COL8A1: variants seen among roughly 807,000 people sequenced by gnomAD.
COL8A1 encodes the protein collagen type VIII alpha 1 chain.
A neutral mutation model predicts 42.7 loss-of-function variants in COL8A1; 21 were observed. The observed-to-expected ratio is 0.49, with a 90% CI of 0.35 to 0.71. The LOEUF is 0.71. Among genes scored for constraint, COL8A1 ranks in the 30% least tolerant of loss-of-function variants. The pLI is 0.01. For missense variants in COL8A1, 788 were observed against 962.4 expected, an observed-to-expected ratio of 0.82 and a Z score of 2.40; for synonymous variants, 367 against 369.1, an observed-to-expected ratio of 0.99 and a Z score of 0.06.
chr3:99,719,149 A>G (rs1298982731), intron 1 of COL8A1, among the ~76,000 whole-genome samples: 1 of 152,100 alleles, frequency 6.6e-6, no homozygotes, highest in East Asian at 1.9e-4. Context: ...ATGTGAAAAA[A>G]TATTTAAATA....
intron 1 of COL8A1, among the ~76,000 whole-genome samples, chr3:99,706,175 C>T (rs1325523258): frequency 6.6e-6 from 1 of 152,120 alleles, no homozygotes; most frequent in East Asian, 1.9e-4. Context: ...ATACACCCCA[C>T]AAAAAAGACC....
At chr3:99,741,386 T>A (rs1173668546) in intron 1 of COL8A1, among the ~76,000 whole-genome samples, 1 of 152,238 alleles carries the variant, frequency 6.6e-6, no homozygotes, top group East Asian at 1.9e-4. Flanking sequence ...GTTTTCCAAC[T>A]TTCTGTTGTA....
chr3:99,761,414 T>C (rs533718874), intron 2 of COL8A1, among the ~76,000 whole-genome samples: 3 of 152,250 alleles, frequency 2.0e-5, no homozygotes, highest in East Asian at 1.9e-4. Context: ...GAGACTGAGA[T>C]TGACTCCTCA....
At chr3:99,657,012 T>C (rs1938043413) in intron 1 of COL8A1, among the ~76,000 whole-genome samples, 1 of 152,232 alleles carries the variant, frequency 6.6e-6, no homozygotes, top group South Asian at 2.1e-4. Flanking sequence ...TGTACTTTCT[T>C]TTATCAGAAC....
rs1940993661 is a variant in COL8A1 at position 99,745,027 on chromosome 3, T to C, written c.-4+6T>C. On this transcript the variant is annotated splice_donor_region_variant and intron_variant, in intron 2 of 3. Coordinates refer to ENST00000652472, the MANE Select transcript of COL8A1 (RefSeq NM_020351.4). ...CAGTCCTGTCAAGTATAAATGTAAG[T>C]GTGAGGAGCAACAGAGGGCAGGGCA... 1 of 151,932 alleles carries C rather than the reference T, an allele frequency of 6.6e-6. No homozygotes were observed. The highest frequency in any genetic ancestry group is 2.4e-5 in the African/African-American group (1 of 41,342). 9.4% of individuals were successfully genotyped at this position (151,932 alleles called of 1,614,324 possible).
chr3:99,750,207 C>G (rs1225807803), intron 2 of COL8A1, among the ~76,000 whole-genome samples: 8 of 151,806 alleles, frequency 5.3e-5, no homozygotes, highest in Non-Finnish European at 1.2e-4. Context: ...CAGGTGCACA[C>G]CACCACACCT....
chr3:99,658,208 T>C (rs1938090273), intron 1 of COL8A1, among the ~76,000 whole-genome samples: 1 of 152,020 alleles, frequency 6.6e-6, no homozygotes, highest in African/African-American at 2.4e-5. Flanking sequence ...CTTCATCATC[T>C]GGGCCTGCCC....
At chr3:99,717,665 CATCAGACT>C (rs1322528882) in intron 1 of COL8A1, among the ~76,000 whole-genome samples, 1 of 151,998 alleles carries the variant, frequency 6.6e-6, no homozygotes, top group Admixed American at 6.6e-5. Flanking sequence ...AATGAGCTAA[CATCAGACT>C]GAGCCCAAAC....
Position 99,794,787 on chromosome 3 carries a change from G to A in COL8A1, c.886G>A (p.Gly296Arg), listed in dbSNP as rs1942070420. ...AAAGCCAGGGGCTCCAGGAGAACCT[G>A]GGCCACAAGGCCCTATTGGGGTACC... Reference protein sequence around the residue: ...LGKPGAPGEPGPQGPIGVPGV... With the variant: ...LGKPGAPGEPRPQGPIGVPGV... The change falls in exon 4 of 4, where the codon GGG becomes AGG. Residue 296 changes from glycine (G) to arginine (R), a missense_variant. Physicochemically the swap from Gly to Arg is moderately radical, Grantham distance 125. Coordinates refer to ENST00000652472, the MANE Select transcript of COL8A1 (RefSeq NM_020351.4). The surrounding 1 kb of genome is among the most constrained non-coding windows in gnomAD (Gnocchi z 4.3). The A allele has an allele frequency of 6.2e-7, 1 of 1,601,138 alleles. No individual in the cohort carries two copies. The highest frequency in any genetic ancestry group is 1.4e-5 in the African/African-American group (1 of 74,024).
intron 1 of COL8A1, among the ~76,000 whole-genome samples, chr3:99,639,078 A>G (rs1304748164): frequency 6.6e-6 from 1 of 152,242 alleles, no homozygotes; most frequent in Non-Finnish European, 1.5e-5. Context: ...AGCACAGTCA[A>G]AAGGTCTGCT....
intron 1 of COL8A1, among the ~76,000 whole-genome samples, chr3:99,651,710 C>G (rs1937854251): frequency 6.6e-6 from 1 of 152,212 alleles, no homozygotes; most frequent in African/African-American, 2.4e-5. Flanking sequence ...GAATCTCTAA[C>G]AGCAATAGTT....
chr3:99,712,405 G>C (rs1939862646), intron 1 of COL8A1, among the ~76,000 whole-genome samples: 1 of 152,094 alleles, frequency 6.6e-6, no homozygotes, highest in Admixed American at 6.6e-5. Context: ...TGTTGGCCAA[G>C]CCAATGGCAA....
chr3:99,781,113 T>C (rs1941785976), intron 2 of COL8A1, among the ~76,000 whole-genome samples: 1 of 152,198 alleles, frequency 6.6e-6, no homozygotes, highest in African/African-American at 2.4e-5. Context: ...AAATTCATTG[T>C]TGGGAACAGT....
chr3:99,771,375 T>C (rs1297325235), intron 2 of COL8A1, among the ~76,000 whole-genome samples: 2 of 152,232 alleles, frequency 1.3e-5, no homozygotes, highest in Admixed American at 6.5e-5. Flanking sequence ...AATTAAAATA[T>C]ACTAATTCTA....
At chr3:99,763,831 C>T (rs1941409643) in intron 2 of COL8A1, among the ~76,000 whole-genome samples, 1 of 152,090 alleles carries the variant, frequency 6.6e-6, no homozygotes, top group African/African-American at 2.4e-5. Context: ...ATGCATTTGA[C>T]CCCAGTAGTT....
intron 2 of COL8A1, 46 bp from the exon 3 acceptor site, chr3:99,790,634 G>T: frequency 6.6e-7 from 1 of 1,518,256 alleles, no homozygotes; most frequent in Non-Finnish European, 9.1e-7. Flanking sequence ...CAAGTCACTT[G>T]GCCTTGCAGA....
intron 2 of COL8A1, among the ~76,000 whole-genome samples, chr3:99,764,976 ATTT>A (rs1016538151): frequency 6.6e-6 from 1 of 152,092 alleles, no homozygotes. Context: ...AAATAGTTGC[ATTT>A]TTTAAGGGAT....
intron 2 of COL8A1, among the ~76,000 whole-genome samples, chr3:99,778,384 A>C (rs376201741): frequency 2.0e-3 from 312 of 152,302 alleles, no homozygotes; most frequent in African/African-American, 7.0e-3. Flanking sequence ...AGAGAGAGAG[A>C]ACTTCAGAGC....
intron 1 of COL8A1, among the ~76,000 whole-genome samples, chr3:99,734,920 T>A (rs1430856682): frequency 6.6e-6 from 1 of 151,774 alleles, no homozygotes; most frequent in African/African-American, 2.4e-5. Flanking sequence ...CAATTGTGAA[T>A]GGGAGTTCAC....
Sources: gnomAD v4.1 joint callset for allele counts (sites outside exome capture counted in the v4.1 genomes callset) on GRCh38, gnomAD v4.1.1 for gene constraint, Gnocchi (gnomAD v3.1) non-coding constraint, MANE v1.5 for transcripts, NCBI Gene and HGNC (gene_info 2026-07-23, HGNC 2026-07-21) for gene names.